Variants in IFNG-AS1 observed in about 807,000 individuals in gnomAD.
IFNG-AS1 encodes the protein IFNG regulatory antisense RNA 1.
chr12:67,999,942 G>A (rs866376373), intron 2 of IFNG-AS1, among the ~76,000 whole-genome samples: 1 of 152,142 alleles, frequency 6.6e-6, no homozygotes, highest in African/African-American at 2.4e-5. Context: ...CATGATATAT[G>A]TACTGAGAAG....
At chr12:68,006,741 T>C (rs1243875799) in intron 3 of IFNG-AS1, among the ~76,000 whole-genome samples, 1 of 152,220 alleles carries the variant, frequency 6.6e-6, no homozygotes, top group Non-Finnish European at 1.5e-5. Flanking sequence ...CTGCTGGCAC[T>C]GAAAGAACAG....
chr12:67,991,282 GC>G lies in IFNG-AS1; in HGVS notation n.51+1704del, dbSNP rs1484269095. Among the ~76,000 whole-genome samples, 4 of 152,238 alleles carry G rather than the reference GC, an allele frequency of 2.6e-5. No individual in the cohort carries two copies. The East Asian group carries it at 7.7e-4, about 29-fold the overall frequency. ...AGATCTGAAATAAAAGACGGCACAT[GC>G]TAAGTGGCAGATGAGCTGCTATAAT... On this transcript the variant is annotated intron_variant and non_coding_transcript_variant, in intron 1 of 5. Coordinates refer to ENST00000536914, the Ensembl canonical transcript of IFNG-AS1.
intron 3 of IFNG-AS1, among the ~76,000 whole-genome samples, chr12:68,011,599 A>T (rs1394402322): frequency 6.6e-6 from 1 of 152,214 alleles, no homozygotes; most frequent in Admixed American, 6.5e-5. Context: ...TTTGCTCAAT[A>T]ATAACCTATA....
chr12:68,002,871 C>T (rs1592823082), intron 2 of IFNG-AS1, among the ~76,000 whole-genome samples: 2 of 152,152 alleles, frequency 1.3e-5, no homozygotes, highest in East Asian at 3.8e-4. Context: ...TATCAGTGAG[C>T]CACATGCTGT....
chr12:67,998,612 G>T (rs1879696359), intron 2 of IFNG-AS1, among the ~76,000 whole-genome samples: 1 of 151,802 alleles, frequency 6.6e-6, no homozygotes, highest in South Asian at 2.1e-4. Flanking sequence ...TAGAAACCAT[G>T]GTAATGTTTC....
At chr12:68,003,115 C>T (rs1879811767) in intron 2 of IFNG-AS1, among the ~76,000 whole-genome samples, 1 of 152,136 alleles carries the variant, frequency 6.6e-6, no homozygotes, top group African/African-American at 2.4e-5. Context: ...GTTCTGTTAT[C>T]TTAAAATTGC....
At chr12:68,007,222 T>C (rs1386335175) in intron 3 of IFNG-AS1, among the ~76,000 whole-genome samples, 3 of 152,186 alleles carry the variant, frequency 2.0e-5, no homozygotes, top group African/African-American at 2.4e-5. Context: ...ACTCCATTCA[T>C]AGGATTATTT....
At chr12:68,015,543 C>A (rs1354624519) in intron 3 of IFNG-AS1, among the ~76,000 whole-genome samples, 1 of 152,104 alleles carries the variant, frequency 6.6e-6, no homozygotes, top group Non-Finnish European at 1.5e-5. Flanking sequence ...CTAGAGATTT[C>A]CCATTTCCAA....
At position 68,001,225 on chromosome 12, in the gene IFNG-AS1, T is replaced by C. The variant is rs1879760838; in HGVS notation, n.185-4865T>C. 2.0e-5 allele frequency among the ~76,000 whole-genome samples: 3 copies of C among 152,220 alleles called. No homozygotes were observed. The South Asian group carries it at 6.2e-4, about 32-fold the overall frequency. ...TTTTTTTCAAACAAAAGTCCTCACATACTTGTTACTGAACCAACCTAGTGC... is the reference window on the plus strand; with the variant it reads ...TTTTTTTCAAACAAAAGTCCTCACACACTTGTTACTGAACCAACCTAGTGC... On this transcript the variant is annotated intron_variant and non_coding_transcript_variant, in intron 2 of 5. Coordinates refer to ENST00000536914, the Ensembl canonical transcript of IFNG-AS1.
At chr12:67,997,495 C>T (rs1316222319) in intron 2 of IFNG-AS1, among the ~76,000 whole-genome samples, 1 of 150,896 alleles carries the variant, frequency 6.6e-6, no homozygotes, top group Non-Finnish European at 1.5e-5. Context: ...CATAAAGACC[C>T]AATGAAAAAG....
chr12:68,006,051 C>A (rs1375098985), intron 2 of IFNG-AS1: 1 of 152,222 alleles, frequency 6.6e-6, no homozygotes, highest in Non-Finnish European at 1.5e-5. Context: ...ATCTCTCTGC[C>A]TTTTTCCCTT....
chr12:67,991,421 AG>A (rs1401886103), intron 1 of IFNG-AS1, among the ~76,000 whole-genome samples: 1 of 152,102 alleles, frequency 6.6e-6, no homozygotes, highest in South Asian at 2.1e-4. Flanking sequence ...GGTAGAGATG[AG>A]GGGGAGCAGT....
chr12:68,012,611 G>T (rs532787226), intron 3 of IFNG-AS1, among the ~76,000 whole-genome samples: 1 of 142,864 alleles, frequency 7.0e-6, no homozygotes, highest in South Asian at 2.2e-4. Flanking sequence ...AGTGGTTTGA[G>T]GGGGTGAAGA....
chr12:67,994,017 G>C (rs1418170549), intron 1 of IFNG-AS1, among the ~76,000 whole-genome samples: 1 of 152,168 alleles, frequency 6.6e-6, no homozygotes, highest in Non-Finnish European at 1.5e-5. Context: ...AAGGTTGATG[G>C]TTAGTACCAT....
At chr12:67,990,920 C>T (rs1291525517) in intron 1 of IFNG-AS1, among the ~76,000 whole-genome samples, 3 of 152,138 alleles carry the variant, frequency 2.0e-5, no homozygotes, top group African/African-American at 7.2e-5. Flanking sequence ...AAACTCTGTT[C>T]TACACAAGAA....
At chr12:67,999,069 A>G (rs1011206127) in intron 2 of IFNG-AS1, among the ~76,000 whole-genome samples, 1 of 152,200 alleles carries the variant, frequency 6.6e-6, no homozygotes, top group African/African-American at 2.4e-5. Context: ...CTGAAATCAA[A>G]TGTATTGGTA....
intron 2 of IFNG-AS1, among the ~76,000 whole-genome samples, chr12:68,001,969 C>T (rs1325534308): frequency 6.6e-6 from 1 of 152,132 alleles, no homozygotes; most frequent in Non-Finnish European, 1.5e-5. Flanking sequence ...AAATCCTCAA[C>T]CATGTTCTCA....
At chr12:67,997,349 A>T (rs548217838) in intron 2 of IFNG-AS1, among the ~76,000 whole-genome samples, 95 of 152,202 alleles carry the variant, frequency 6.2e-4, no homozygotes, top group Middle Eastern at 3.4e-3. Context: ...ACTCAAGTAC[A>T]TATGGAAATT....
intron 2 of IFNG-AS1, among the ~76,000 whole-genome samples, chr12:68,000,437 G>T (rs998759248): frequency 6.6e-6 from 1 of 152,126 alleles, no homozygotes; most frequent in Non-Finnish European, 1.5e-5. Flanking sequence ...AAGGTCAGAG[G>T]ATGGAGAATA....
Sources: gnomAD v4.1 joint callset for allele counts (sites outside exome capture counted in the v4.1 genomes callset) on GRCh38, gnomAD v4.1.1 for gene constraint, MANE v1.5 for transcripts, NCBI Gene and HGNC (gene_info 2026-07-23, HGNC 2026-07-21) for gene names.